Variants in ATXN8OS observed in about 807,000 individuals in gnomAD.
The protein encoded by ATXN8OS is ATXN8 opposite strand lncRNA.
chr13:70,157,147 A>C (rs886416898), intron 4 of ATXN8OS, among the ~76,000 whole-genome samples: 1 of 152,140 alleles, frequency 6.6e-6, no homozygotes. Context: ...AAGGCTCGTA[A>C]CAACATTATT....
At chr13:70,132,772 A>G (rs188207547) in intron 3 of ATXN8OS, among the ~76,000 whole-genome samples, 1 of 152,344 alleles carries the variant, frequency 6.6e-6, no homozygotes, top group Non-Finnish European at 1.5e-5. Context: ...AAATAATTCA[A>G]TAATGAACAT....
At chr13:70,145,806 A>T (rs1888776581) in intron 3 of ATXN8OS, among the ~76,000 whole-genome samples, 1 of 152,052 alleles carries the variant, frequency 6.6e-6, no homozygotes, top group African/African-American at 2.4e-5. Context: ...AACCATAAAA[A>T]CCCTAGAAGA....
chr13:70,147,355 T>A (rs992712212), exon 4 of ATXN8OS, among the ~76,000 whole-genome samples: 2 of 152,148 alleles, frequency 1.3e-5, no homozygotes, highest in Admixed American at 1.3e-4. Context: ...TTTTTCCTAG[T>A]TCTATATCTG....
intron 4 of ATXN8OS, among the ~76,000 whole-genome samples, chr13:70,148,827 AATATTTT>A (rs1888824952): frequency 6.6e-6 from 1 of 152,072 alleles, no homozygotes; most frequent in Non-Finnish European, 1.5e-5. Flanking sequence ...GGGCCAATAT[AATATTTT>A]ATTCTATCAA....
chr13:70,107,495 A>T (rs748976886), upstream of ATXN8OS: 4 of 1,613,926 alleles, frequency 2.5e-6, no homozygotes, highest in Non-Finnish European at 3.4e-6. Context: ...GGCTTCTTCC[A>T]GAAAGTGCTC....
intron 1 of ATXN8OS, among the ~76,000 whole-genome samples, chr13:70,112,211 C>T (rs1888206405): frequency 6.6e-6 from 1 of 152,118 alleles, no homozygotes; most frequent in African/African-American, 2.4e-5. Flanking sequence ...GACGCCCACC[C>T]TTATGATTCC....
chr13:70,132,906 T>C (rs1387940882), intron 3 of ATXN8OS, among the ~76,000 whole-genome samples: 2 of 152,104 alleles, frequency 1.3e-5, no homozygotes, highest in African/African-American at 4.8e-5. Flanking sequence ...GTCTGGAAGA[T>C]CTTTCCTAAA....
At chr13:70,156,366 C>T (rs1355258511) in intron 4 of ATXN8OS, among the ~76,000 whole-genome samples, 1 of 151,914 alleles carries the variant, frequency 6.6e-6, no homozygotes, top group Non-Finnish European at 1.5e-5. Flanking sequence ...AGATGTATAA[C>T]TTTTCTGGAA....
intron 4 of ATXN8OS, among the ~76,000 whole-genome samples, chr13:70,149,457 A>G (rs1888836055): frequency 6.6e-6 from 1 of 152,186 alleles, no homozygotes; most frequent in South Asian, 2.1e-4. Context: ...AGGTGTTAAC[A>G]GAAATTAATT....
chr13:70,171,137 AG>A (rs755275056), exon 5 of ATXN8OS, among the ~76,000 whole-genome samples: 1 of 152,144 alleles, frequency 6.6e-6, no homozygotes, highest in Non-Finnish European at 1.5e-5. Flanking sequence ...GGACAGAAAA[AG>A]GAAAGTGACA....
chr13:70,165,047 A>G (rs760308505), intron 4 of ATXN8OS, among the ~76,000 whole-genome samples: 55 of 152,018 alleles, frequency 3.6e-4, no homozygotes, highest in Admixed American at 1.5e-3. Context: ...TATAGTTACA[A>G]TATGGCCTCT....
intron 3 of ATXN8OS, among the ~76,000 whole-genome samples, chr13:70,138,437 G>T (rs1888650295): frequency 6.6e-6 from 1 of 151,872 alleles, no homozygotes; most frequent in Non-Finnish European, 1.5e-5. Flanking sequence ...ATTTTAAAAT[G>T]CAAAAAATAG....
At chr13:70,124,340 G>C (rs1043892011) in intron 2 of ATXN8OS, among the ~76,000 whole-genome samples, 2 of 152,050 alleles carry the variant, frequency 1.3e-5, no homozygotes, top group Non-Finnish European at 2.9e-5. Flanking sequence ...AGTAAATAAT[G>C]TCACGAGGTT....
chr13:70,150,814 C>T (rs900731375), intron 4 of ATXN8OS, among the ~76,000 whole-genome samples: 27 of 152,104 alleles, frequency 1.8e-4, no homozygotes, highest in African/African-American at 6.5e-4. Flanking sequence ...GGTGCAAAGC[C>T]ATGCTTCACT....
chr13:70,112,377 G>A (rs1184445305), intron 1 of ATXN8OS, among the ~76,000 whole-genome samples: 4 of 152,050 alleles, frequency 2.6e-5, no homozygotes, highest in Non-Finnish European at 4.4e-5. Context: ...AACTTTTAAT[G>A]TATACATTAA....
chr13:70,148,655 T>C (rs1367067344), intron 4 of ATXN8OS, among the ~76,000 whole-genome samples: 7 of 152,146 alleles, frequency 4.6e-5, no homozygotes, highest in Admixed American at 1.3e-4. Flanking sequence ...TTATTTTGTT[T>C]TACCATTTGA....
intron 4 of ATXN8OS, among the ~76,000 whole-genome samples, chr13:70,164,832 G>A (rs1053066166): frequency 6.6e-6 from 1 of 151,872 alleles, no homozygotes; most frequent in Non-Finnish European, 1.5e-5. Context: ...TCCATGATGA[G>A]CTTCCTATAT....
intron 4 of ATXN8OS, among the ~76,000 whole-genome samples, chr13:70,169,173 AAC>A (rs1234550516): frequency 6.6e-6 from 1 of 152,216 alleles, no homozygotes; most frequent in African/African-American, 2.4e-5. Context: ...AGACAAAATC[AAC>A]AGTTTTTGTA....
intron 4 of ATXN8OS, among the ~76,000 whole-genome samples, chr13:70,151,467 T>C (rs1381954049): frequency 1.3e-5 from 2 of 152,058 alleles, no homozygotes; most frequent in Non-Finnish European, 2.9e-5. Context: ...TGGGGCTATA[T>C]ATTCCTTTGG....
Sources: gnomAD v4.1 joint callset for allele counts (sites outside exome capture counted in the v4.1 genomes callset) on GRCh38, gnomAD v4.1.1 for gene constraint, MANE v1.5 for transcripts, NCBI Gene and HGNC (gene_info 2026-07-23, HGNC 2026-07-21) for gene names.